The following ST13 variants were observed in gnomAD, a reference collection of about 807,000 sequenced individuals.
ST13 encodes hsc70-interacting protein.
A neutral mutation model predicts 56.7 loss-of-function variants in ST13; 23 were observed. That is an observed-to-expected ratio of 0.41 (90% confidence interval 0.29 to 0.57). The LOEUF (loss-of-function observed/expected upper bound fraction) is 0.57. Among genes scored for constraint, ST13 ranks in the 20% least tolerant of loss-of-function variants. The pLI is 0.36. For missense variants in ST13, 369 were observed against 459.9 expected, an observed-to-expected ratio of 0.80 and a Z score of 1.81; for synonymous variants, 132 against 142.4, an observed-to-expected ratio of 0.93 and a Z score of 0.52.
At chr22:40,826,923 A>C (rs1459949866) in intron 11 of ST13, among the ~76,000 whole-genome samples, 173 bp downstream of exon 11, 1 of 152,242 alleles carries the variant, frequency 6.6e-6, no homozygotes, top group Non-Finnish European at 1.5e-5. Flanking sequence ...TAGTTTTAAA[A>C]ATTTAAGTTA....
chr22:40,850,691 C>A, intron 2 of ST13, 132 bp downstream of exon 2: 1 of 675,772 alleles, frequency 1.5e-6, no homozygotes, highest in Non-Finnish European at 2.5e-6. Flanking sequence ...ATAAAGAGGT[C>A]TTAAAAGGTC....
intron 11 of ST13, 100 bp from the exon 12 acceptor site, chr22:40,826,766 A>G: frequency 7.1e-7 from 1 of 1,401,054 alleles, no homozygotes; most frequent in Non-Finnish European, 9.8e-7. Flanking sequence ...TAATTTGGTG[A>G]TAGTTAAGTT....
At chr22:40,835,691 TA>T in intron 6 of ST13, 21 bp from the exon 7 acceptor site, 1 of 1,607,494 alleles carries the variant, frequency 6.2e-7, no homozygotes, top group Admixed American at 1.7e-5. Context: ...AGTGTGTTAT[TA>T]AAAAGTATTC....
At chr22:40,829,754 G>A in intron 9 of ST13, 80 bp from the exon 10 acceptor site, 1 of 706,266 alleles carries the variant, frequency 1.4e-6, no homozygotes, top group Non-Finnish European at 2.1e-6. Flanking sequence ...GCAAGACCAT[G>A]AAAAAATTGT....
intron 1 of ST13, among the ~76,000 whole-genome samples, chr22:40,852,463 C>T (rs2057866574): frequency 6.6e-6 from 1 of 152,192 alleles, no homozygotes; most frequent in South Asian, 2.1e-4. Context: ...TTCTCCCACC[C>T]TGTAGGTTGC....
At chr22:40,832,541 G>A in intron 8 of ST13, 28 bp downstream of exon 8, 3 of 1,538,902 alleles carry the variant, frequency 1.9e-6, no homozygotes. Context: ...TTTAACTAAT[G>A]ACTTTCCCTT....
At chr22:40,845,303 G>A (rs188262336) in intron 3 of ST13, among the ~76,000 whole-genome samples, 15 of 152,140 alleles carry the variant, frequency 9.9e-5, no homozygotes, top group African/African-American at 3.4e-4. Context: ...ATACTTCAAC[G>A]TAAATCAAAA....
chr22:40,848,193 T>C (rs897095174), intron 3 of ST13, 101 bp downstream of exon 3: 2 of 769,146 alleles, frequency 2.6e-6, no homozygotes, highest in Admixed American at 2.1e-5. Context: ...TATGTGCCAT[T>C]ATATTTCTAT....
At chr22:40,847,013 A>C (rs1191066004) in intron 3 of ST13, among the ~76,000 whole-genome samples, 3 of 151,974 alleles carry the variant, frequency 2.0e-5, no homozygotes, top group Non-Finnish European at 4.4e-5. Context: ...AACCCCAAAA[A>C]AACAACAAAA....
intron 3 of ST13, among the ~76,000 whole-genome samples, chr22:40,847,109 T>C (rs1441934397): frequency 6.6e-6 from 1 of 152,242 alleles, no homozygotes. Flanking sequence ...TGAAGAAATT[T>C]AGTCAATTTG....
intron 8 of ST13, chr22:40,832,155 G>A (rs1568999292): frequency 2.1e-6 from 1 of 470,696 alleles, no homozygotes; most frequent in Non-Finnish European, 4.4e-6. Context: ...CGCCTGGCCG[G>A]AAAGCCTGAA....
At chr22:40,834,800 C>G (rs2057769902) in intron 7 of ST13, among the ~76,000 whole-genome samples, 1 of 152,210 alleles carries the variant, frequency 6.6e-6, no homozygotes, top group Non-Finnish European at 1.5e-5. Context: ...TGGGCTTTTC[C>G]TGTGCTGACA....
At chr22:40,850,518 A>G (rs1483668351) in intron 2 of ST13, among the ~76,000 whole-genome samples, 1 of 152,214 alleles carries the variant, frequency 6.6e-6, no homozygotes, top group African/African-American at 2.4e-5. Flanking sequence ...ACACACTGTA[A>G]GGCAATGATG....
chr22:40,850,768 C>T, intron 2 of ST13, 55 bp downstream of exon 2: 6 of 1,387,786 alleles, frequency 4.3e-6, no homozygotes, highest in Non-Finnish European at 6.0e-6. Context: ...AAAACAACCC[C>T]TAAGAAATCT....
chr22:40,856,404 C>G (rs368613054), intron 1 of ST13, 27 bp downstream of exon 1: 2 of 1,595,366 alleles, frequency 1.3e-6, no homozygotes, highest in South Asian at 1.1e-5. Context: ...TCCCCCGCCC[C>G]CAACGGTCCT....
intron 5 of ST13, among the ~76,000 whole-genome samples, chr22:40,836,431 C>T (rs537140137): frequency 5.3e-5 from 8 of 151,672 alleles, no homozygotes; most frequent in Admixed American, 1.3e-4. Flanking sequence ...TGACACAGCA[C>T]GACTCCGTCT....
At chr22:40,848,817 C>A (rs1288883920) in intron 2 of ST13, among the ~76,000 whole-genome samples, 3 of 152,208 alleles carry the variant, frequency 2.0e-5, no homozygotes, top group South Asian at 2.1e-4. Context: ...TAAATAGCCT[C>A]ATGTCCACTC....
At chr22:40,831,034 A>G in intron 8 of ST13, 78 bp from the exon 9 acceptor site, 1 of 926,016 alleles carries the variant, frequency 1.1e-6, no homozygotes, top group East Asian at 2.4e-5. Context: ...TTGTAGAGAG[A>G]TGTTTAATTC....
chr22:40,846,183 G>A (rs1043414360), intron 3 of ST13, among the ~76,000 whole-genome samples: 13 of 152,148 alleles, frequency 8.5e-5, no homozygotes, highest in African/African-American at 2.9e-4. Context: ...TGGTCCACCC[G>A]CCTCAGCCTC....
Sources: allele counts gnomAD v4.1 joint callset (sites outside exome capture counted in the v4.1 genomes callset), GRCh38; gene constraint gnomAD v4.1.1; transcripts MANE v1.5; gene names NCBI Gene and HGNC (gene_info 2026-07-23, HGNC 2026-07-21).